The following KCNIP4 variants were observed in gnomAD, a reference collection of about 807,000 sequenced individuals.
KCNIP4 encodes potassium voltage-gated channel interacting protein 4.
KCNIP4 carries 12 observed loss-of-function variants against 34.0 expected under a neutral mutation model. The ratio of observed to expected loss-of-function variants is 0.35; its 90% CI spans 0.23 to 0.57. The LOEUF (loss-of-function observed/expected upper bound fraction) is 0.57, where lower values mean the gene tolerates loss of function less well. Among genes scored for constraint, KCNIP4 ranks in the 20% least tolerant of loss-of-function variants. The probability of loss-of-function intolerance (pLI) is 0.83; values close to 1 mark genes in which losing one functional copy is unlikely to be tolerated. For synonymous variants in KCNIP4, 124 were observed against 102.2 expected (o/e 1.21, Z -1.29); for missense variants, 238 against 311.7 (o/e 0.76, Z 1.78).
intron 1 of KCNIP4, among the ~76,000 whole-genome samples, chr4:21,549,397 C>A (rs1738380535): frequency 6.6e-6 from 1 of 151,848 alleles, no homozygotes; most frequent in Admixed American, 6.6e-5. Flanking sequence ...TCAATAACCT[C>A]CCCATAGTAA....
At chr4:21,244,422 TA>T (rs1422374294) in intron 1 of KCNIP4, among the ~76,000 whole-genome samples, 1 of 152,214 alleles carries the variant, frequency 6.6e-6, no homozygotes, top group East Asian at 1.9e-4. Flanking sequence ...GCATTTCAGA[TA>T]GACAAATGTT....
intron 1 of KCNIP4, among the ~76,000 whole-genome samples, chr4:21,120,867 C>T (rs1204059818): frequency 6.6e-6 from 1 of 152,170 alleles, no homozygotes; most frequent in Non-Finnish European, 1.5e-5. Flanking sequence ...ATTAATCTTA[C>T]ATACAAGTTT....
rs755266993 is a variant in KCNIP4 at position 21,259,920 on chromosome 4, T to TGTGCGCGC, written c.62-377212_62-377211insGCGCGCAC. 6.0e-5 allele frequency among the ~76,000 whole-genome samples: 9 copies of TGTGCGCGC among 150,200 alleles called. No homozygotes were observed. The East Asian group carries it at 1.8e-3, about 30-fold the overall frequency. ...GTGTGTGTGTGTGTGTGTGTGTGTG[T>TGTGCGCGC]GCACGTGCGCTTATGTGCATTGTGC... On this transcript the variant is annotated intron_variant, in intron 1 of 8. Coordinates refer to ENST00000382152, the MANE Select transcript of KCNIP4 (RefSeq NM_025221.6).
At chr4:20,889,806 C>T (rs920594780) in intron 1 of KCNIP4, among the ~76,000 whole-genome samples, 2 of 150,460 alleles carry the variant, frequency 1.3e-5, no homozygotes, top group Non-Finnish European at 3.0e-5. Flanking sequence ...ACTCCCATAC[C>T]TCTGCATCTA....
chr4:21,410,763 T>A (rs969050560), intron 1 of KCNIP4, among the ~76,000 whole-genome samples: 1 of 152,248 alleles, frequency 6.6e-6, no homozygotes, highest in African/African-American at 2.4e-5. Context: ...GTGGTACTTA[T>A]TTTTGCAGCA....
intron 1 of KCNIP4, among the ~76,000 whole-genome samples, chr4:21,449,634 A>ATG (rs1372260503): frequency 4.1e-5 from 6 of 146,346 alleles, no homozygotes; most frequent in East Asian, 4.0e-4. Flanking sequence ...ACTTATATAT[A>ATG]TGTATATATA....
intron 1 of KCNIP4, among the ~76,000 whole-genome samples, chr4:21,587,705 G>A (rs1741745429): frequency 6.6e-6 from 1 of 152,022 alleles, no homozygotes; most frequent in South Asian, 2.1e-4. Flanking sequence ...ACTAGCATAG[G>A]AATGACCAAG....
chr4:21,665,925 G>A (rs547633189), intron 1 of KCNIP4, among the ~76,000 whole-genome samples: 121 of 152,176 alleles, frequency 8.0e-4, no homozygotes, highest in South Asian at 4.6e-3. Flanking sequence ...CAATTATTGT[G>A]AACCCAGGAA....
intron 2 of KCNIP4, among the ~76,000 whole-genome samples, chr4:20,878,360 A>G (rs1374448619): frequency 6.6e-6 from 1 of 152,006 alleles, no homozygotes; most frequent in East Asian, 1.9e-4. Context: ...CTTCTAGGAC[A>G]CTCTCTCCAG....
intron 1 of KCNIP4, among the ~76,000 whole-genome samples, chr4:21,551,793 C>A (rs1738606272): frequency 6.6e-6 from 1 of 151,974 alleles, no homozygotes. Context: ...CCGCACTATA[C>A]TAAATGCCAA....
chr4:20,835,477 C>T (rs1194479982), intron 3 of KCNIP4, among the ~76,000 whole-genome samples: 3 of 151,964 alleles, frequency 2.0e-5, no homozygotes, highest in Admixed American at 6.6e-5. Flanking sequence ...AAACCTATTT[C>T]GTAGGGCTGC....
At position 20,916,988 on chromosome 4, in the gene KCNIP4, TATA is replaced by T. The variant is rs1728889437; in HGVS notation, c.62-34282_62-34280del. On this transcript the variant is annotated intron_variant, in intron 1 of 8. Coordinates refer to ENST00000382152, the MANE Select transcript of KCNIP4 (RefSeq NM_025221.6). Reference sequence around the variant, plus strand: ...TCCACCATTGACCATCTTATGTTTATATATATATATATATATATATATATATAT... The same window carrying T: ...TCCACCATTGACCATCTTATGTTTATTATATATATATATATATATATATAT... Among the ~76,000 whole-genome samples, 162 of 30,358 alleles carry T rather than the reference TATA, an allele frequency of 5.3e-3. 29 individuals carry two copies. Among genetic ancestry groups the T allele is most frequent in the South Asian group, 0.013 (7 of 550 alleles). The allele number at this position is 30,358 out of a possible 152,430, so 19.9% of individuals were successfully genotyped here. A position where few individuals can be genotyped will look rare whatever the true frequency, so the allele number is the denominator to read the frequency against.
At chr4:21,048,846 T>G (rs112090934) in intron 1 of KCNIP4, among the ~76,000 whole-genome samples, 4,185 of 151,186 alleles carry the variant, frequency 0.028, 168 homozygotes, top group African/African-American at 0.095. Flanking sequence ...CTATCCTGAG[T>G]CCAGGAAGCA....
intron 1 of KCNIP4, among the ~76,000 whole-genome samples, chr4:21,821,387 A>G (rs1722346246): frequency 6.6e-6 from 1 of 152,128 alleles, no homozygotes; most frequent in African/African-American, 2.4e-5. Flanking sequence ...TTTCCACCAT[A>G]TATTCAAGAG....
chr4:20,882,838 G>T, intron 1 of KCNIP4, 129 bp from the exon 2 acceptor site: 1 of 604,530 alleles, frequency 1.7e-6, no homozygotes, highest in South Asian at 2.3e-5. Flanking sequence ...ATCACAGGCA[G>T]TGGGTTGGGA....
At chr4:21,460,714 A>G (rs1729393058) in intron 1 of KCNIP4, among the ~76,000 whole-genome samples, 1 of 152,070 alleles carries the variant, frequency 6.6e-6, no homozygotes, top group African/African-American at 2.4e-5. Context: ...TCCAAGTACC[A>G]TTCCATTGCA....
intron 1 of KCNIP4, among the ~76,000 whole-genome samples, chr4:20,906,739 C>T (rs554791186): frequency 2.4e-4 from 36 of 152,306 alleles, no homozygotes; most frequent in Non-Finnish European, 4.4e-4. Context: ...GTTCCCCTTC[C>T]TATAGAAAAC....
At chr4:21,867,470 C>T (rs1211363105) in intron 1 of KCNIP4, among the ~76,000 whole-genome samples, 2 of 152,172 alleles carry the variant, frequency 1.3e-5, no homozygotes, top group South Asian at 2.1e-4. Flanking sequence ...GAGTCCAAAA[C>T]GTGCACAATA....
intron 1 of KCNIP4, among the ~76,000 whole-genome samples, chr4:21,352,781 C>T (rs1489839918): frequency 6.6e-6 from 1 of 152,204 alleles, no homozygotes; most frequent in Non-Finnish European, 1.5e-5. Context: ...AGTGGTTCTC[C>T]CAGCACAGCA....
Sources: gnomAD v4.1 joint callset for allele counts (sites outside exome capture counted in the v4.1 genomes callset) on GRCh38, gnomAD v4.1.1 for gene constraint, MANE v1.5 for transcripts, NCBI Gene and HGNC (gene_info 2026-07-23, HGNC 2026-07-21) for gene names.